Variants in ATP2A2 observed in about 807,000 individuals in gnomAD.
The protein encoded by ATP2A2 is ATPase sarcoplasmic/endoplasmic reticulum Ca2+ transporting 2, also known as sarcoplasmic/endoplasmic reticulum calcium ATPase 2.
Under a neutral mutation model 109.3 loss-of-function variants are expected in ATP2A2, and 14 were observed. The ratio of observed to expected loss-of-function variants is 0.13; its 90% CI spans 0.08 to 0.20. The LOEUF is 0.20. Among genes scored for constraint, ATP2A2 ranks in the 10% least tolerant of loss-of-function variants. The probability of loss-of-function intolerance (pLI) is 1.00; values close to 1 mark genes in which losing one functional copy is unlikely to be tolerated. For synonymous variants in ATP2A2, 506 were observed against 490.9 expected (o/e 1.03, Z -0.41); for missense variants, 657 against 1,321.6 (o/e 0.50, Z 7.80).
At chr12:110,290,823 C>G (rs1873186500) in intron 3 of ATP2A2, among the ~76,000 whole-genome samples, 1 of 152,040 alleles carries the variant, frequency 6.6e-6, no homozygotes, top group Non-Finnish European at 1.5e-5. Context: ...AGGGTGGTCT[C>G]GAATTCCTGA....
In ATP2A2 at chr12:110,311,595, C is replaced by CAAAAAAAAAA; in HGVS notation, c.464-11379_464-11370dup. Among the ~76,000 whole-genome samples, 2 of 25,224 alleles carry CAAAAAAAAAA rather than the reference C, an allele frequency of 7.9e-5. 1 individual carries two copies. The highest frequency in any genetic ancestry group is 1.3e-4 in the Non-Finnish European group (2 of 15,026). 16.5% of individuals were successfully genotyped at this position (25,224 alleles called of 152,430 possible). On this transcript the variant is annotated intron_variant, in intron 5 of 19. Coordinates refer to ENST00000539276, the MANE Select transcript of ATP2A2 (RefSeq NM_170665.4). ...TGGGGGACAGAGCGAGACTCCATCTCAAAAAAAAAAAAAAAAAAAAAAAAA... is the reference window on the plus strand; with the variant it reads ...TGGGGGACAGAGCGAGACTCCATCTCAAAAAAAAAAAAAAAAAAAAAAAAAAAAAAAAAAA...
chr12:110,291,940 C>T (rs1309598918), intron 3 of ATP2A2, 80 bp from the exon 4 acceptor site: 2 of 1,278,816 alleles, frequency 1.6e-6, no homozygotes, highest in Non-Finnish European at 2.3e-6. Flanking sequence ...AGCCACCATG[C>T]TCGGCCAGTG....
chr12:110,321,264 C>T (rs1193330414), intron 5 of ATP2A2, among the ~76,000 whole-genome samples: 1 of 152,102 alleles, frequency 6.6e-6, no homozygotes, highest in African/African-American at 2.4e-5. Context: ...TCAATGTTTA[C>T]TTCTTGGACA....
chr12:110,345,777 C>G, intron 18 of ATP2A2: 1 of 634,606 alleles, frequency 1.6e-6, no homozygotes, highest in Non-Finnish European at 2.8e-6. Context: ...TTTGAACCCA[C>G]TAAGATGGGG....
chr12:110,339,798 G>A lies in ATP2A2; in HGVS notation c.1761+77G>A. 2 of 1,464,932 alleles carry A rather than the reference G, an allele frequency of 1.4e-6. No homozygotes were observed. The highest frequency in any genetic ancestry group is 1.8e-5 in the Admixed American group (1 of 55,674). 90.7% of individuals were successfully genotyped at this position (1,464,932 alleles called of 1,614,324 possible). A position where few individuals can be genotyped will look rare whatever the true frequency, so the allele number is the denominator to read the frequency against. ...TAAACAGTACTCCTTCAAGCAAAAGGTCAAACAGTTCTCACTTTTGCCAAG... is the reference window on the plus strand; with the variant it reads ...TAAACAGTACTCCTTCAAGCAAAAGATCAAACAGTTCTCACTTTTGCCAAG... On this transcript the variant is annotated intron_variant, in intron 13 of 19. Transcript: ENST00000539276. This position sits in a 1 kb window ranked among gnomAD's most constrained non-coding sequence, Gnocchi z 4.4.
chr12:110,315,691 A>G (rs1876588185), intron 5 of ATP2A2, among the ~76,000 whole-genome samples: 2 of 152,208 alleles, frequency 1.3e-5, no homozygotes, highest in Non-Finnish European at 2.9e-5. Flanking sequence ...CTGTAATCCC[A>G]GCACTTTGGG....
chr12:110,315,868 G>T (rs1053071471), intron 5 of ATP2A2, among the ~76,000 whole-genome samples: 11 of 152,218 alleles, frequency 7.2e-5, no homozygotes, highest in Non-Finnish European at 1.2e-4. Flanking sequence ...GAACCCAGGA[G>T]GCGGGGGTTG....
At chr12:110,334,362 C>T in intron 11 of ATP2A2, 1 of 614,454 alleles carries the variant, frequency 1.6e-6, no homozygotes, top group Non-Finnish European at 2.8e-6. Flanking sequence ...TTGAGCGACC[C>T]TCTGGGCCCA....
intron 11 of ATP2A2, among the ~76,000 whole-genome samples, chr12:110,335,985 A>C (rs907439256): frequency 2.6e-5 from 4 of 152,256 alleles, no homozygotes; most frequent in Non-Finnish European, 4.4e-5. Flanking sequence ...CTCTATCTGC[A>C]GTCCAGGGTC....
At chr12:110,307,685 A>G (rs973925615) in intron 5 of ATP2A2, among the ~76,000 whole-genome samples, 2 of 152,046 alleles carry the variant, frequency 1.3e-5, no homozygotes, top group African/African-American at 4.8e-5. Context: ...CCACTTTTCA[A>G]CAGTGATTTT....
chr12:110,333,944 A>G, intron 10 of ATP2A2, 68 bp from the exon 11 acceptor site: 1 of 1,606,814 alleles, frequency 6.2e-7, no homozygotes, highest in Non-Finnish European at 8.5e-7. Context: ...TGGAAAAAAA[A>G]TATTAAAGAT....
At chr12:110,314,345 A>G (rs903298679) in intron 5 of ATP2A2, among the ~76,000 whole-genome samples, 3 of 151,692 alleles carry the variant, frequency 2.0e-5, no homozygotes, top group Non-Finnish European at 4.4e-5. Flanking sequence ...AGAAAAAAAA[A>G]AAAAAAGTAA....
Position 110,340,744 on chromosome 12 carries a change from C to G in ATP2A2, c.1847C>G (p.Ala616Gly). The change falls in exon 14 of 20, where the codon GCA becomes GGA. Residue 616 changes from alanine to glycine, a missense_variant. Ala to Gly is a moderately conservative substitution (Grantham distance 60, BLOSUM62 0). This residue lies in a region of ATP2A2 where 180 missense variants were observed against 329.1 expected (regional missense o/e 0.55). Coordinates refer to ENST00000539276, the MANE Select transcript of ATP2A2 (RefSeq NM_170665.4). This position sits in a 1 kb window ranked among gnomAD's most constrained non-coding sequence, Gnocchi z 6.0. ...VASSVKLCRQ[A>G]GIRVIMITGD... ...TCCTCCGTGAAGCTGTGCCGGCAAG[C>G]AGGCATCCGGGTCATCATGATCACT... 6.2e-7 allele frequency: 1 copy of G among 1,614,114 alleles called. No individual in the cohort carries two copies. Among genetic ancestry groups the G allele is most frequent in the Non-Finnish European group, 8.5e-7 (1 of 1,180,010 alleles).
At chr12:110,333,332 T>C in intron 10 of ATP2A2, 49 bp downstream of exon 10, 2 of 1,502,456 alleles carry the variant, frequency 1.3e-6, no homozygotes, top group Non-Finnish European at 1.9e-6. Context: ...AGTTCAAGGG[T>C]GGGGTGGGTG....
intron 6 of ATP2A2, chr12:110,325,987 GA>G (rs200380424): frequency 0.044 from 7,681 of 175,326 alleles, 3 homozygotes; most frequent in South Asian, 0.09. Context: ...CCTCTGTCTC[GA>G]AAAAAAAAAA....
rs1182669479 is a variant in ATP2A2 at position 110,346,363 on chromosome 12, T to C, written c.3022T>C (p.Ser1008Pro). The change falls in exon 20 of 20, where the codon TCG becomes CCG. Residue 1008 changes from serine (S) to proline (P), a missense_variant. This residue lies in a region of ATP2A2 where 53 missense variants were observed against 61.2 expected (regional missense o/e 0.87). Transcript: ENST00000539276. The part of the protein sequence containing the change: ...VQPATKSCSF[S>P]ACTDGISWPF... ...GCCTGCCACCAAATCCTGCTCGTTC[T>C]CGGCATGCACCGATGGGATTTCCTG... 2 of 1,614,224 alleles carry C rather than the reference T, an allele frequency of 1.2e-6. No homozygotes were observed. The highest frequency in any genetic ancestry group is 2.2e-5 in the East Asian group (1 of 44,894).
chr12:110,341,566 T>G (rs1879354912), intron 14 of ATP2A2, among the ~76,000 whole-genome samples: 1 of 152,256 alleles, frequency 6.6e-6, no homozygotes, highest in Non-Finnish European at 1.5e-5. Flanking sequence ...GTATTATTTT[T>G]GCATGCTTTT....
chr12:110,312,207 G>A (rs1187421017), intron 5 of ATP2A2, among the ~76,000 whole-genome samples: 1 of 151,992 alleles, frequency 6.6e-6, no homozygotes, highest in African/African-American at 2.4e-5. Context: ...AGTTCGGGGG[G>A]TGGGGAGCCT....
At chr12:110,300,532 T>C (rs1048172299) in intron 5 of ATP2A2, among the ~76,000 whole-genome samples, 6 of 151,438 alleles carry the variant, frequency 4.0e-5, no homozygotes, top group African/African-American at 9.7e-5. Flanking sequence ...TTTTTTGTAT[T>C]TTTAGTAGAG....
Sources: gnomAD v4.1 joint callset for allele counts (sites outside exome capture counted in the v4.1 genomes callset) on GRCh38, gnomAD v4.1.1 for gene constraint, gnomAD v4.1.1 regional missense constraint, Gnocchi (gnomAD v3.1) non-coding constraint, MANE v1.5 for transcripts, NCBI Gene and HGNC (gene_info 2026-07-23, HGNC 2026-07-21) for gene names.